The following SPTBN2 variants were observed in gnomAD, a reference collection of about 807,000 sequenced individuals.
SPTBN2 encodes the protein spectrin beta chain, non-erythrocytic 2.
A neutral mutation model predicts 284.2 loss-of-function variants in SPTBN2; 107 were observed. The ratio of observed to expected loss-of-function variants is 0.38; its 90% CI spans 0.32 to 0.44. The LOEUF is 0.44. SPTBN2 is among the 20% of genes least tolerant of loss of function. SPTBN2 has a pLI of 1.00. For missense variants in SPTBN2, 2,569 were observed against 3,287.1 expected, an observed-to-expected ratio of 0.78 and a Z score of 5.34; for synonymous variants, 1,289 against 1,354.8, an observed-to-expected ratio of 0.95 and a Z score of 1.07.
rs767868018 is a variant in SPTBN2 at position 66,685,795 on chromosome 11, G to A, written c.*76C>T. ...TAGCAGCAGGCAGTTGTCCTGACAA[G>A]AGGGCGGTCCCTGTCGACTGTCCCT... On this transcript the variant is annotated 3_prime_UTR_variant, in exon 38 of 38. Transcript: ENST00000533211. The surrounding 1 kb of genome is among the most constrained non-coding windows in gnomAD (Gnocchi z 4.4). 6 of 1,415,744 alleles carry A rather than the reference G, an allele frequency of 4.2e-6. No homozygotes were observed. Among genetic ancestry groups the A allele is most frequent in the Non-Finnish European group, 6.0e-6 (6 of 1,004,238 alleles). The allele number at this position is 1,415,744 out of a possible 1,614,324, so 87.7% of individuals were successfully genotyped here.
Position 66,692,620 on chromosome 11 carries a change from C to T in SPTBN2, c.5106G>A (p.Glu1702=). 6.2e-7 allele frequency: 1 copy of T among 1,606,578 alleles called. No individual in the cohort carries two copies. The highest frequency in any genetic ancestry group is 8.5e-7 in the Non-Finnish European group (1 of 1,179,962). The change falls in exon 26 of 38, where the codon GAG becomes GAA. Residue 1702 remains glutamate (E), a synonymous_variant. Transcript: ENST00000533211. ...EHLRLCQLRR[E]LDDLEQWIQE... ...GGATCCACTGTTCCAGGTCATCCAG[C>T]TCGCGGCGGAGCTGGCACAGCCGGA...
intron 22 of SPTBN2, 81 bp downstream of exon 22, chr11:66,694,058 G>C (rs1940746886): frequency 6.5e-7 from 1 of 1,528,100 alleles, no homozygotes; most frequent in Non-Finnish European, 9.0e-7. Flanking sequence ...AGCCCTGCTG[G>C]CATCTCCCTG....
Position 66,715,889 on chromosome 11 carries a change from C to G in SPTBN2, c.250G>C (p.Asp84His). ...AGCAGGTTGCGTCCGTCCCGGAGGTCGCTGTACAGGTCCCCCACCCGGCAC... is the reference window on the plus strand; with the variant it reads ...AGCAGGTTGCGTCCGTCCCGGAGGTGGCTGTACAGGTCCCCCACCCGGCAC... ...VTCRVGDLYS[D>H]LRDGRNLLRL... The change falls in exon 4 of 38, where the codon GAC (aspartate) becomes CAC (histidine). Residue 84 changes from aspartate to histidine, a missense_variant. Asp to His is a moderately conservative substitution (Grantham distance 81). Coordinates refer to ENST00000533211, the MANE Select transcript of SPTBN2 (RefSeq NM_006946.4). The surrounding 1 kb of genome is among the most constrained non-coding windows in gnomAD (Gnocchi z 5.3). 6 of 1,614,132 alleles carry G rather than the reference C, an allele frequency of 3.7e-6. No homozygotes were observed. The highest frequency in any genetic ancestry group is 5.1e-6 in the Non-Finnish European group (6 of 1,180,030).
chr11:66,687,178 C>A lies in SPTBN2; in HGVS notation c.6723-11G>T, dbSNP rs758435668. The stretch of plus-strand genomic sequence containing the variant: ...ACGTTCTGCCAGGACCTGCGAGGGA[C>A]GCGGTGCTGACTGGCCGGCCTCAGT... On this transcript the variant is annotated splice_polypyrimidine_tract_variant and intron_variant, in intron 35 of 37. Coordinates refer to ENST00000533211, the MANE Select transcript of SPTBN2 (RefSeq NM_006946.4). This position sits in a 1 kb window ranked among gnomAD's most constrained non-coding sequence, Gnocchi z 5.2. 1 of 1,613,424 alleles carries A rather than the reference C, an allele frequency of 6.2e-7. No homozygotes were observed. The highest frequency in any genetic ancestry group is 1.7e-5 in the Admixed American group (1 of 60,000).
intron 21 of SPTBN2, 86 bp downstream of exon 21, chr11:66,696,191 C>T: frequency 1.2e-5 from 18 of 1,545,126 alleles, no homozygotes; most frequent in Non-Finnish European, 1.6e-5. Flanking sequence ...TGTTATCTGC[C>T]AGGCCTCAGC....
chr11:66,701,910 C>T (rs1554983236), intron 15 of SPTBN2, among the ~76,000 whole-genome samples, 189 bp from the exon 16 acceptor site: 1 of 152,000 alleles, frequency 6.6e-6, no homozygotes, highest in Non-Finnish European at 1.5e-5. Context: ...CCACAACTCC[C>T]CCAAAACAAG....
chr11:66,707,711 G>T lies in SPTBN2; in HGVS notation c.1458C>A (p.Ala486=). The T allele has an allele frequency of 1.9e-6, 3 of 1,605,030 alleles. No individual in the cohort carries two copies. Among genetic ancestry groups the T allele is most frequent in the Non-Finnish European group, 2.5e-6 (3 of 1,178,728 alleles). ...GCTCGGCGGCCAGCTCTGCAGCCACGGCGTCCACTGCCTGCACCCGGCCGC... is the reference window on the plus strand; with the variant it reads ...GCTCGGCGGCCAGCTCTGCAGCCACTGCGTCCACTGCCTGCACCCGGCCGC... ...AYSGRVQAVD[A]VAAELAAERY... is the part of the protein sequence containing the mutation. The change falls in exon 13 of 38, where the codon GCC becomes GCA. Residue 486 remains alanine (A), a synonymous_variant. Transcript: ENST00000533211. This position sits in a 1 kb window ranked among gnomAD's most constrained non-coding sequence, Gnocchi z 4.9.
intron 15 of SPTBN2, among the ~76,000 whole-genome samples, chr11:66,703,972 C>CT (rs11286358): frequency 3.3e-3 from 357 of 109,724 alleles, no homozygotes; most frequent in South Asian, 3.9e-3. Context: ...TATTTCTTTT[C>CT]TTTTTTTTTT....
chr11:66,686,855 C>T (rs1485064032), intron 36 of SPTBN2, 139 bp downstream of exon 36: 11 of 1,156,878 alleles, frequency 9.5e-6, no homozygotes, highest in East Asian at 4.7e-5. Flanking sequence ...CCCTCATCTA[C>T]ACTATCCCCA....
rs766325140 is a variant in SPTBN2 at position 66,698,647 on chromosome 11, C to T, written c.4006G>A (p.Val1336Met). The T allele has an allele frequency of 8.7e-6, 14 of 1,614,206 alleles. No homozygotes were observed. Among genetic ancestry groups the T allele is most frequent in the Non-Finnish European group, 1.2e-5 (14 of 1,180,042 alleles). ...LAANKDWLDKVDKEGRELTLE... is the reference protein window; with the variant it reads ...LAANKDWLDKMDKEGRELTLE... ...CCCACAGCACTGCTCACCTTGTCCA[C>T]CTTGTCCAGCCAGTCTTTGTTGGCA... The change falls in exon 20 of 38, where the codon GTG (valine) becomes ATG (methionine). Residue 1336 changes from valine (V) to methionine (M), a missense_variant. Val to Met is a conservative substitution (Grantham distance 21, BLOSUM62 1). Around this residue, in one of 6 missense-constraint regions of SPTBN2, gnomAD observed 50 missense variants for 48.1 expected, o/e 1.04. Coordinates refer to ENST00000533211, the MANE Select transcript of SPTBN2 (RefSeq NM_006946.4).
chr11:66,698,810 A>G, intron 19 of SPTBN2, 25 bp from the exon 20 acceptor site: 1 of 1,612,516 alleles, frequency 6.2e-7, no homozygotes, highest in Non-Finnish European at 8.5e-7. Flanking sequence ...AAACAGGGAC[A>G]TTTCCAAGGG....
At position 66,700,239 on chromosome 11, in the gene SPTBN2, G is replaced by A. The variant is rs1941164385; in HGVS notation, c.3573+287C>T. On this transcript the variant is annotated intron_variant, in intron 17 of 37. Transcript: ENST00000533211. The surrounding 1 kb of genome is among the most constrained non-coding windows in gnomAD (Gnocchi z 6.6). ...CAAAATACTGGGAGTACAAGTGTGA[G>A]CCATCCTGTCTGGCTCCCATTTTTC... is the stretch of plus-strand genomic sequence containing the variant. 6.6e-6 allele frequency among the ~76,000 whole-genome samples: 1 copy of A among 151,984 alleles called. No homozygotes were observed. Among genetic ancestry groups the A allele is most frequent in the South Asian group, 2.1e-4 (1 of 4,818 alleles).
Position 66,691,165 on chromosome 11 carries a change from C to G in SPTBN2, c.5565+119G>C. On this transcript the variant is annotated intron_variant, in intron 27 of 37. Transcript: ENST00000533211. The surrounding 1 kb of genome is among the most constrained non-coding windows in gnomAD (Gnocchi z 8.0). Reference sequence around the variant, plus strand: ...AATTTCCTCATCTCGAAATGGCCCTCGAAAGAGTGCCGTCCTCCCAGCATT... The same window carrying G: ...AATTTCCTCATCTCGAAATGGCCCTGGAAAGAGTGCCGTCCTCCCAGCATT... 15 of 1,388,134 alleles carry G rather than the reference C, an allele frequency of 1.1e-5. No homozygotes were observed. The highest frequency in any genetic ancestry group is 1.4e-5 in the Non-Finnish European group (15 of 1,048,652). 86.0% of individuals were successfully genotyped at this position (1,388,134 alleles called of 1,614,324 possible). A position where few individuals can be genotyped will look rare whatever the true frequency, so the allele number is the denominator to read the frequency against.
chr11:66,738,357 G>GA (rs1276456290), intron 1 of SPTBN2, among the ~76,000 whole-genome samples: 1 of 152,128 alleles, frequency 6.6e-6, no homozygotes, highest in Non-Finnish European at 1.5e-5. Context: ...AACACCTAAA[G>GA]AAAGAGGTAA....
chr11:66,688,041 C>G lies in SPTBN2; in HGVS notation c.6413G>C (p.Ser2138Thr). ...PRPPPSTQAP[S>T]VNGVCTDGEP... is the part of the protein sequence containing the mutation. The stretch of plus-strand genomic sequence containing the variant: ...TCCATCTGTGCAGACTCCATTAACA[C>G]TGGGTGCTTGTGTGGATGGTGGTGG... The change falls in exon 33 of 38, where the codon AGT (serine) becomes ACT (threonine). Residue 2138 changes from serine (S) to threonine (T), a missense_variant. Around this residue, in one of 6 missense-constraint regions of SPTBN2, gnomAD observed 1,130 missense variants for 1,317.3 expected, o/e 0.86. Coordinates refer to ENST00000533211, the MANE Select transcript of SPTBN2 (RefSeq NM_006946.4). The G allele has an allele frequency of 1.2e-6, 2 of 1,614,200 alleles. No individual in the cohort carries two copies. Among genetic ancestry groups the G allele is most frequent in the Non-Finnish European group, 1.7e-6 (2 of 1,180,036 alleles).
Position 66,688,742 on chromosome 11 carries a change from C to G in SPTBN2, c.6142G>C (p.Val2048Leu), listed in dbSNP as rs199725636. ...SAELGCTVDE[V>L]ESLIKRHEAF... ...TCGTGCCGCTTGATGAGGCTCTCAA[C>G]TTCGTCGACCGTGCAACCCAGCTCA... The change falls in exon 31 of 38, where the codon GTT (valine) becomes CTT (leucine). Residue 2048 changes from valine (V) to leucine (L), a missense_variant. Around this residue, in one of 6 missense-constraint regions of SPTBN2, gnomAD observed 1,130 missense variants for 1,317.3 expected, o/e 0.86. Coordinates refer to ENST00000533211, the MANE Select transcript of SPTBN2 (RefSeq NM_006946.4). 6.2e-6 allele frequency: 10 copies of G among 1,613,712 alleles called. No individual in the cohort carries two copies.
chr11:66,720,874 C>T (rs1218326237), intron 3 of SPTBN2, among the ~76,000 whole-genome samples: 1 of 152,046 alleles, frequency 6.6e-6, no homozygotes, highest in Non-Finnish European at 1.5e-5. Context: ...TGAAGCGTCT[C>T]TATGCTTGGG....
At chr11:66,719,517 A>C (rs1445132763) in intron 3 of SPTBN2, among the ~76,000 whole-genome samples, 1 of 152,268 alleles carries the variant, frequency 6.6e-6, no homozygotes, top group Non-Finnish European at 1.5e-5. Flanking sequence ...AGCCCAGTTC[A>C]GTGGTGGAGA....
Position 66,690,058 on chromosome 11 carries a change from C to T in SPTBN2, c.5791G>A (p.Asp1931Asn), listed in dbSNP as rs1940435004. The T allele has an allele frequency of 6.2e-7, 1 of 1,614,140 alleles. No homozygotes were observed. The highest frequency in any genetic ancestry group is 2.2e-5 in the East Asian group (1 of 44,902). Residue 1931 changes from aspartate (D) to asparagine (N), a missense_variant, in exon 28 of 38, where the codon GAT (aspartate) becomes AAT (asparagine). Asp to Asn is a conservative substitution (Grantham distance 23). Coordinates refer to ENST00000533211, the MANE Select transcript of SPTBN2 (RefSeq NM_006946.4). ...TCTCACCGGGGACGCTCCTGGGCAT[C>T]CATCTGCAGGTTGACCTCATCCATC... ...LWMDEVNLQMDAQERPRDVSS... is the reference protein window; with the variant it reads ...LWMDEVNLQMNAQERPRDVSS...
Sources: allele counts gnomAD v4.1 joint callset (sites outside exome capture counted in the v4.1 genomes callset), GRCh38; gene constraint gnomAD v4.1.1; regional missense constraint gnomAD v4.1.1; non-coding constraint Gnocchi (gnomAD v3.1); transcripts MANE v1.5; gene names NCBI Gene and HGNC (gene_info 2026-07-23, HGNC 2026-07-21).